Variants in EPN2 observed in about 807,000 individuals in gnomAD.
EPN2 encodes epsin-2.
EPN2 carries 34 observed loss-of-function variants against 61.7 expected under a neutral mutation model. The observed-to-expected ratio is 0.55, with a 90% CI of 0.42 to 0.73. EPN2 has a LOEUF of 0.73. Among genes scored for constraint, EPN2 ranks in the 30% least tolerant of loss-of-function variants. The pLI is 0.00. For synonymous variants in EPN2, 349 were observed against 353.6 expected, an observed-to-expected ratio of 0.99 and a Z score of 0.15; for missense variants, 714 against 839.2, an observed-to-expected ratio of 0.85 and a Z score of 1.84.
intron 4 of EPN2, chr17:19,303,781 T>TCA (rs1379430629): frequency 6.6e-6 from 1 of 152,060 alleles, no homozygotes; most frequent in East Asian, 2.0e-4. Flanking sequence ...GTCTTTTGCA[T>TCA]CACATATATA....
At chr17:19,247,066 A>T (rs1037096503) in intron 1 of EPN2, among the ~76,000 whole-genome samples, 13 of 151,320 alleles carry the variant, frequency 8.6e-5, no homozygotes, top group African/African-American at 2.9e-4. Flanking sequence ...CACTGCGCCC[A>T]GCCCCCTGTG....
At chr17:19,287,477 G>C (rs1156578991) in intron 4 of EPN2, among the ~76,000 whole-genome samples, 2 of 152,098 alleles carry the variant, frequency 1.3e-5, no homozygotes, top group Admixed American at 6.5e-5. Flanking sequence ...GAGGGTAGGG[G>C]GCTGTCGGAG....
intron 1 of EPN2, among the ~76,000 whole-genome samples, chr17:19,268,814 C>G (rs2045226577): frequency 6.6e-6 from 1 of 152,194 alleles, no homozygotes; most frequent in Non-Finnish European, 1.5e-5. Flanking sequence ...TGAGTGTCAG[C>G]TAGCTGTGCA....
At chr17:19,254,351 A>G (rs1055623372) in intron 1 of EPN2, among the ~76,000 whole-genome samples, 6 of 151,722 alleles carry the variant, frequency 4.0e-5, no homozygotes, top group African/African-American at 1.5e-4. Context: ...AGACCAGCCT[A>G]GCCAACATGG....
chr17:19,245,678 T>A (rs868229162), intron 1 of EPN2, among the ~76,000 whole-genome samples: 48 of 150,568 alleles, frequency 3.2e-4, no homozygotes, highest in African/African-American at 1.0e-3. Context: ...TTTTTTTTTT[T>A]AAAGATGGAG....
chr17:19,279,001 G>C (rs1053653895), intron 1 of EPN2, among the ~76,000 whole-genome samples: 5 of 152,186 alleles, frequency 3.3e-5, no homozygotes, highest in Non-Finnish European at 5.9e-5. Flanking sequence ...CAAGAAAATA[G>C]CAGGCAGCCA....
Position 19,283,243 on chromosome 17 carries a change from G to A in EPN2, c.124G>A (p.Glu42Lys), listed in dbSNP as rs761693693. ...GGGCCCGTCCAGTTCTCTGATGACC[G>A]AGATTGCCGACCTGACCTACAACGT... The part of the protein sequence containing the change: ...PWGPSSSLMT[E>K]IADLTYNVVA... The change falls in exon 3 of 11, where the codon GAG becomes AAG. Residue 42 changes from glutamate (E) to lysine (K), a missense_variant. Glu to Lys is a moderately conservative substitution (Grantham distance 56, BLOSUM62 1). Transcript: ENST00000314728. This position sits in a 1 kb window ranked among gnomAD's most constrained non-coding sequence, Gnocchi z 7.0. The A allele has an allele frequency of 6.8e-6, 11 of 1,614,150 alleles. 1 individual carries two copies. In the South Asian group the frequency reaches 1.2e-4, roughly 18 times the overall value.
At chr17:19,279,391 G>C (rs2045338752) in intron 1 of EPN2, among the ~76,000 whole-genome samples, 1 of 152,178 alleles carries the variant, frequency 6.6e-6, no homozygotes, top group Non-Finnish European at 1.5e-5. Context: ...AGATGGGGGA[G>C]GGCAGCAGAG....
At chr17:19,331,685 TC>T (rs1907159404) in intron 9 of EPN2, among the ~76,000 whole-genome samples, 167 bp from the exon 10 acceptor site, 1 of 152,230 alleles carries the variant, frequency 6.6e-6, no homozygotes, top group Non-Finnish European at 1.5e-5. Context: ...TGCTGGTGTT[TC>T]GTTATGTGGA....
At chr17:19,248,349 C>T (rs917057014) in intron 1 of EPN2, 4 of 152,214 alleles carry the variant, frequency 2.6e-5, no homozygotes, top group Admixed American at 6.5e-5. Flanking sequence ...GGCAAGCCTC[C>T]TTTCAACCTG....
chr17:19,293,826 G>A (rs1488376031), intron 4 of EPN2, among the ~76,000 whole-genome samples: 4 of 152,162 alleles, frequency 2.6e-5, no homozygotes, highest in African/African-American at 4.8e-5. Flanking sequence ...GGTGGCTCAT[G>A]CCTATAATCC....
chr17:19,284,798 G>T (rs1036238756), intron 3 of EPN2, among the ~76,000 whole-genome samples: 3 of 152,222 alleles, frequency 2.0e-5, no homozygotes, highest in African/African-American at 7.2e-5. Context: ...TTAAATGAGA[G>T]ATTTGCATAT....
rs80078595 is a variant in EPN2 at position 19,276,773 on chromosome 17, G to GTTTTTTTTTTTTTTTTTTTTTTTTTTTT, written c.-293-5164_-293-5163insTTTTTTTTTTTTTTTTTTTTTTTTTTTT. Among the ~76,000 whole-genome samples the GTTTTTTTTTTTTTTTTTTTTTTTTTTTT allele has an allele frequency of 9.2e-5, 11 of 119,318 alleles. 1 individual carries two copies. The highest frequency in any genetic ancestry group is 4.6e-4 in the African/African-American group (11 of 24,102). The allele number at this position is 119,318 out of a possible 152,430, so 78.3% of individuals were successfully genotyped here. On this transcript the variant is annotated intron_variant, in intron 1 of 10. Coordinates refer to ENST00000314728, the MANE Select transcript of EPN2 (RefSeq NM_014964.5). ...GTCAGTATGTAATTTATGAGAATAAGTTTTTTTTTTTTTTTTTTGCTGTAT... is the reference window on the plus strand; with the variant it reads ...GTCAGTATGTAATTTATGAGAATAAGTTTTTTTTTTTTTTTTTTTTTTTTTTTTTTTTTTTTTTTTTTTTTTGCTGTAT...
intron 1 of EPN2, among the ~76,000 whole-genome samples, chr17:19,238,787 A>G (rs2044847450): frequency 6.6e-6 from 1 of 152,248 alleles, no homozygotes; most frequent in Admixed American, 6.5e-5. Context: ...AAATATGAGA[A>G]GTAATGAGTT....
At chr17:19,290,834 A>G (rs941575329) in intron 4 of EPN2, among the ~76,000 whole-genome samples, 1 of 152,042 alleles carries the variant, frequency 6.6e-6, no homozygotes, top group African/African-American at 2.4e-5. Context: ...TGGGCTTTGT[A>G]CCAGGTGGGG....
At chr17:19,267,389 A>G (rs746609334) in intron 1 of EPN2, among the ~76,000 whole-genome samples, 2 of 152,180 alleles carry the variant, frequency 1.3e-5, no homozygotes, top group African/African-American at 2.4e-5. Context: ...ATTTAATGCT[A>G]TGTGAATTAT....
chr17:19,268,950 A>C (rs150361157), intron 1 of EPN2, among the ~76,000 whole-genome samples: 1 of 152,308 alleles, frequency 6.6e-6, no homozygotes, highest in Non-Finnish European at 1.5e-5. Context: ...AGGGACTGAA[A>C]ACCCAATACC....
At chr17:19,246,358 TAATAAG>T (rs979780273) in intron 1 of EPN2, among the ~76,000 whole-genome samples, 17 of 152,020 alleles carry the variant, frequency 1.1e-4, no homozygotes, top group African/African-American at 4.1e-4. Flanking sequence ...TGTCTCAAAA[TAATAAG>T]AATAATAATA....
In EPN2 at chr17:19,283,342, T is replaced by G; in HGVS notation, c.223T>G (p.Tyr75Asp). The change falls in exon 3 of 11, where the codon TAC becomes GAC. Residue 75 changes from tyrosine (Y) to aspartate (D), a missense_variant. Physicochemically the swap from Tyr to Asp is radical, Grantham distance 160. Around this residue, in one of 2 missense-constraint regions of EPN2, gnomAD observed 304 missense variants for 417.4 expected, o/e 0.73. Transcript: ENST00000314728. This position sits in a 1 kb window ranked among gnomAD's most constrained non-coding sequence, Gnocchi z 7.0. ...NDHGKNWRHV[Y>D]KALTLLDYLI... ...CCATGGCAAGAACTGGCGGCATGTG[T>G]ACAAGGCGCTGACCCTGCTGGACTA... The G allele has an allele frequency of 2.5e-6, 4 of 1,614,120 alleles. No homozygotes were observed. The highest frequency in any genetic ancestry group is 3.4e-6 in the Non-Finnish European group (4 of 1,179,994).
Sources: allele counts gnomAD v4.1 joint callset (sites outside exome capture counted in the v4.1 genomes callset), GRCh38; gene constraint gnomAD v4.1.1; regional missense constraint gnomAD v4.1.1; non-coding constraint Gnocchi (gnomAD v3.1); transcripts MANE v1.5; gene names NCBI Gene and HGNC (gene_info 2026-07-23, HGNC 2026-07-21).